CEP128: variants seen among roughly 807,000 people sequenced by gnomAD.
CEP128 encodes centrosomal protein 128, also known as centrosomal protein 128kDa.
A neutral mutation model predicts 156.7 loss-of-function variants in CEP128; 132 were observed. The ratio of observed to expected loss-of-function variants is 0.84; its 90% confidence interval spans 0.73 to 0.97. The LOEUF (loss-of-function observed/expected upper bound fraction) is 0.97. Among genes scored for constraint, CEP128 ranks in the 50% least tolerant of loss-of-function variants. The probability of loss-of-function intolerance (pLI) is 0.00; values close to 1 mark genes in which losing one functional copy is unlikely to be tolerated. For synonymous variants in CEP128, 469 were observed against 448.9 expected (o/e 1.04, Z -0.57); for missense variants, 1,252 against 1,281.9 (o/e 0.98, Z 0.36).
At chr14:80,935,665 A>AC (rs1555364950) in intron 2 of CEP128, among the ~76,000 whole-genome samples, 9 of 147,224 alleles carry the variant, frequency 6.1e-5, no homozygotes, top group East Asian at 3.9e-4. Context: ...AAAAAAAAAA[A>AC]AAACAGAACA....
At chr14:80,787,668 A>G (rs919779162) in intron 14 of CEP128, among the ~76,000 whole-genome samples, 4 of 152,170 alleles carry the variant, frequency 2.6e-5, no homozygotes, top group Admixed American at 2.6e-4. Flanking sequence ...GGAGGGACTG[A>G]GCGAGGGTAG....
chr14:80,946,442 G>A (rs1416415847), upstream of CEP128, among the ~76,000 whole-genome samples: 1 of 150,702 alleles, frequency 6.6e-6, no homozygotes, highest in African/African-American at 2.5e-5. Flanking sequence ...AATCTAAAGA[G>A]CCTTGACTAA....
rs564211597 is a variant in CEP128, at chr14:80,601,603, T to C, written c.2807-21180A>G. ...CCTACTGTACAACTAGGCTATATAG[T>C]ATAGCCTATTGTTCCTAGGCAATGA... On this transcript the variant is annotated intron_variant, in intron 19 of 24. Transcript: ENST00000555265. 2.6e-5 allele frequency among the ~76,000 whole-genome samples: 4 copies of C among 152,322 alleles called. No homozygotes were observed. The East Asian group carries it at 7.7e-4, about 29-fold the overall frequency.
intron 15 of CEP128, among the ~76,000 whole-genome samples, chr14:80,780,415 T>C (rs1901043830): frequency 6.6e-6 from 1 of 152,176 alleles, no homozygotes; most frequent in African/African-American, 2.4e-5. Flanking sequence ...GTAAATTGTT[T>C]GGTTTCACAG....
chr14:80,761,253 C>T (rs557121037), intron 17 of CEP128, among the ~76,000 whole-genome samples, 184 bp downstream of exon 17: 1 of 149,444 alleles, frequency 6.7e-6, no homozygotes, highest in South Asian at 2.1e-4. Flanking sequence ...GAAATAACAT[C>T]ATTCGTTCTC....
chr14:80,555,648 A>T lies in CEP128; in HGVS notation c.2880+3631T>A, dbSNP rs10136371. On this transcript the variant is annotated intron_variant, in intron 21 of 24. Transcript: ENST00000555265. ...ATCCTTTTAACAAACCCTTTTGTTC[A>T]TTACTGCCTTAGACTTCGATAACAT... Among the ~76,000 whole-genome samples, 804 of 152,164 alleles carry T rather than the reference A, an allele frequency of 5.3e-3. 12 individuals are homozygous for T. Among genetic ancestry groups the T allele is most frequent in the African/African-American group, 0.019 (775 of 41,556 alleles).
intron 19 of CEP128, among the ~76,000 whole-genome samples, chr14:80,626,589 C>G (rs1893739501): frequency 1.3e-5 from 2 of 151,910 alleles, no homozygotes; most frequent in East Asian, 1.9e-4. Flanking sequence ...GGGCCACAAC[C>G]CAAGGAACAT....
chr14:80,723,476 AAC>A (rs951114655), intron 19 of CEP128, among the ~76,000 whole-genome samples: 2 of 152,234 alleles, frequency 1.3e-5, no homozygotes, highest in African/African-American at 4.8e-5. Flanking sequence ...CCTCAAAAAT[AAC>A]AGTGTAGTAC....
chr14:80,626,145 A>T (rs1210208764), intron 19 of CEP128, among the ~76,000 whole-genome samples: 2 of 152,190 alleles, frequency 1.3e-5, no homozygotes, highest in Non-Finnish European at 2.9e-5. Flanking sequence ...GGAGATCCCT[A>T]AATGTAATCA....
chr14:80,547,084 A>T (rs1890016589), intron 21 of CEP128, among the ~76,000 whole-genome samples: 1 of 152,208 alleles, frequency 6.6e-6, no homozygotes, highest in South Asian at 2.1e-4. Context: ...GATGCATAAA[A>T]AAAGGTCAAC....
chr14:80,720,165 G>A (rs539153687), intron 19 of CEP128, among the ~76,000 whole-genome samples: 91 of 152,144 alleles, frequency 6.0e-4, no homozygotes, highest in African/African-American at 2.1e-3. Context: ...GGCAGAAATC[G>A]CCTCAGCATA....
In CEP128 at chr14:80,594,359, C is replaced by T. The variant is rs141561204; in HGVS notation, c.2807-13936G>A. ...AAGACTTAAACATAAGACCTAAAAC[C>T]ATAAAAACCCTAGAAGAAAACCTAG... On this transcript the variant is annotated intron_variant, in intron 19 of 24. Transcript: ENST00000555265. Among the ~76,000 whole-genome samples, 261 of 152,192 alleles carry T rather than the reference C, an allele frequency of 1.7e-3. 2 individuals are homozygous for T. Among genetic ancestry groups the T allele is most frequent in the African/African-American group, 5.5e-3 (228 of 41,512 alleles).
intron 8 of CEP128, among the ~76,000 whole-genome samples, chr14:80,879,010 A>T (rs1888408822): frequency 6.6e-6 from 1 of 152,162 alleles, no homozygotes; most frequent in African/African-American, 2.4e-5. Context: ...TTGCTCTAAT[A>T]ACCTACACAG....
intron 19 of CEP128, among the ~76,000 whole-genome samples, chr14:80,640,118 T>G (rs370560837): frequency 1.3e-4 from 20 of 152,268 alleles, no homozygotes; most frequent in East Asian, 9.6e-4. Context: ...GTGAAAGATC[T>G]CTCTGTGATT....
chr14:80,530,910 C>G (rs1018718219), intron 21 of CEP128, 24 bp from the exon 22 acceptor site: 7 of 1,501,336 alleles, frequency 4.7e-6, no homozygotes, highest in Non-Finnish European at 6.4e-6. Flanking sequence ...CATAAGGAAA[C>G]CAAACATTAT....
intron 19 of CEP128, among the ~76,000 whole-genome samples, chr14:80,695,435 G>A (rs1250256010): frequency 1.3e-5 from 2 of 151,318 alleles, no homozygotes; most frequent in Non-Finnish European, 2.9e-5. Flanking sequence ...GCAGGGTGTG[G>A]CCAGGCATGG....
At chr14:80,582,176 A>G (rs1361002943) in intron 19 of CEP128, among the ~76,000 whole-genome samples, 1 of 152,158 alleles carries the variant, frequency 6.6e-6, no homozygotes, top group Admixed American at 6.5e-5. Flanking sequence ...TGATCTAAGG[A>G]TGACTACAGA....
intron 8 of CEP128, among the ~76,000 whole-genome samples, chr14:80,890,668 C>G (rs191741377): frequency 6.7e-4 from 102 of 152,070 alleles, no homozygotes; most frequent in Admixed American, 6.0e-3. Flanking sequence ...GGACAAATAC[C>G]TAATGCATGC....
Position 80,582,424 on chromosome 14 carries a change from TAAC to T in CEP128, c.2807-2004_2807-2002del, listed in dbSNP as rs558582276. Among the ~76,000 whole-genome samples the T allele has an allele frequency of 2.1e-3, 326 of 152,270 alleles. 2 individuals carry two copies. Among genetic ancestry groups the T allele is most frequent in the African/African-American group, 7.2e-3 (298 of 41,568 alleles). The stretch of plus-strand genomic sequence containing the variant: ...AAGAGGATCCCAAATCTGAAGGCAA[TAAC>T]AACTAGAGCAGGTCTGGATGGGACG... On this transcript the variant is annotated intron_variant, in intron 19 of 24. Transcript: ENST00000555265.
Sources: allele counts gnomAD v4.1 joint callset (sites outside exome capture counted in the v4.1 genomes callset), GRCh38; gene constraint gnomAD v4.1.1; transcripts MANE v1.5; gene names NCBI Gene and HGNC (gene_info 2026-07-23, HGNC 2026-07-21).